PAK5: variants seen among roughly 807,000 people sequenced by gnomAD.
PAK5 encodes the protein p21 (RAC1) activated kinase 5, also known as serine/threonine-protein kinase PAK 5.
PAK5 carries 16 observed loss-of-function variants against 65.9 expected under a neutral mutation model. That is an observed-to-expected ratio of 0.24 (90% CI 0.16 to 0.37). The LOEUF is 0.37. Among genes scored for constraint, PAK5 ranks in the 10% least tolerant of loss-of-function variants. The pLI is 1.00. For missense variants in PAK5, 785 were observed against 903.9 expected, an observed-to-expected ratio of 0.87 and a Z score of 1.69; for synonymous variants, 371 against 354.9, an observed-to-expected ratio of 1.05 and a Z score of -0.51.
intron 1 of PAK5, among the ~76,000 whole-genome samples, chr20:9,730,645 A>T (rs1329980203): frequency 6.6e-6 from 1 of 152,212 alleles, no homozygotes; most frequent in Non-Finnish European, 1.5e-5. Flanking sequence ...AGCTATGATG[A>T]TATCGGTGTG....
intron 3 of PAK5, among the ~76,000 whole-genome samples, chr20:9,587,546 G>T (rs891897244): frequency 2.0e-5 from 3 of 152,128 alleles, no homozygotes; most frequent in Non-Finnish European, 2.9e-5. Context: ...GTAAAATTTT[G>T]ATAGTGGCTG....
intron 1 of PAK5, among the ~76,000 whole-genome samples, chr20:9,776,004 A>G (rs2048883464): frequency 6.6e-6 from 1 of 152,250 alleles, no homozygotes; most frequent in African/African-American, 2.4e-5. Context: ...ATCATGTAGT[A>G]AAGAAATAGT....
chr20:9,760,391 C>T (rs2048684782), intron 1 of PAK5, among the ~76,000 whole-genome samples: 2 of 152,050 alleles, frequency 1.3e-5, no homozygotes, highest in Non-Finnish European at 2.9e-5. Flanking sequence ...CAAAAAATGG[C>T]TCTTGTTTTC....
In PAK5 at chr20:9,799,774, CA is replaced by C. The variant is rs201309466; in HGVS notation, c.-162+38987del. Among the ~76,000 whole-genome samples the C allele has an allele frequency of 3.4e-3, 499 of 148,872 alleles. 6 individuals are homozygous for C. Among genetic ancestry groups the C allele is most frequent in the African/African-American group, 0.012 (483 of 40,678 alleles). On this transcript the variant is annotated intron_variant, in intron 1 of 9. Transcript: ENST00000353224. ...GACACCCATAAAGAAATATCTGTTA[CA>C]AAAAAAAATGTTTACATTAGCTGAG...
chr20:9,773,635 G>A (rs2048857315), intron 1 of PAK5, among the ~76,000 whole-genome samples: 1 of 152,202 alleles, frequency 6.6e-6, no homozygotes, highest in Admixed American at 6.5e-5. Context: ...AAAAGCACAG[G>A]ACAAGTGGGG....
At chr20:9,763,414 T>C (rs1037030745) in intron 1 of PAK5, among the ~76,000 whole-genome samples, 13 of 152,130 alleles carry the variant, frequency 8.5e-5, no homozygotes, top group Non-Finnish European at 2.9e-5. Flanking sequence ...ACACATTAAA[T>C]ATGTATAGCT....
At chr20:9,583,854 T>C (rs1033624046) in intron 3 of PAK5, among the ~76,000 whole-genome samples, 8 of 152,194 alleles carry the variant, frequency 5.3e-5, no homozygotes, top group African/African-American at 1.9e-4. Context: ...TTCCAGAATA[T>C]CATATGGATG....
rs1353776123 is a variant in PAK5 at position 9,652,959 on chromosome 20, T to C, written c.-11-8620A>G. Among the ~76,000 whole-genome samples, 4 of 152,188 alleles carry C rather than the reference T, an allele frequency of 2.6e-5. No individual in the cohort carries two copies. In the East Asian group the frequency reaches 7.7e-4, roughly 29 times the overall value. On this transcript the variant is annotated intron_variant, in intron 2 of 9. Transcript: ENST00000353224. ...GATTCTGCCCTGATTCTGAAATCTG[T>C]GCCCACAGTTGGATTTAGCATATAC... is the stretch of plus-strand genomic sequence containing the variant.
intron 2 of PAK5, among the ~76,000 whole-genome samples, chr20:9,666,161 T>A (rs1415238269): frequency 1.3e-5 from 2 of 151,788 alleles, no homozygotes; most frequent in African/African-American, 4.8e-5. Context: ...ATAACAGAAA[T>A]GAGAAAGAAT....
intron 1 of PAK5, among the ~76,000 whole-genome samples, chr20:9,817,645 A>G (rs1032218736): frequency 1.3e-5 from 2 of 152,198 alleles, no homozygotes; most frequent in African/African-American, 4.8e-5. Flanking sequence ...CAGCAGCCCA[A>G]ACAAGGTACC....
chr20:9,831,925 A>G (rs969635253), intron 1 of PAK5, among the ~76,000 whole-genome samples: 9 of 152,278 alleles, frequency 5.9e-5, no homozygotes, highest in Non-Finnish European at 1.2e-4. Flanking sequence ...TACCTGCATG[A>G]TGTTTTCATT....
rs57705525 is a variant in PAK5, at chr20:9,802,910, GTATATATA to G, written c.-162+35844_-162+35851del. 9.8e-3 allele frequency among the ~76,000 whole-genome samples: 456 copies of G among 46,390 alleles called. 16 individuals carry two copies. Among genetic ancestry groups the G allele is most frequent in the Non-Finnish European group, 0.014 (350 of 25,830 alleles). 30.4% of individuals were successfully genotyped at this position (46,390 alleles called of 152,430 possible). On this transcript the variant is annotated intron_variant, in intron 1 of 9. Coordinates refer to ENST00000353224, the MANE Select transcript of PAK5 (RefSeq NM_177990.4). ...CTTCTGTACTATTGTATATGTATGT[GTATATATA>G]TATATATATATATATGAATTACTAA...
chr20:9,751,811 A>AC (rs1182529962), intron 1 of PAK5, among the ~76,000 whole-genome samples: 1 of 152,124 alleles, frequency 6.6e-6, no homozygotes, highest in East Asian at 1.9e-4. Context: ...GAAATAAAAA[A>AC]CCCATTTTAA....
intron 3 of PAK5, among the ~76,000 whole-genome samples, chr20:9,581,285 G>C (rs1385825047): frequency 1.3e-5 from 2 of 152,080 alleles, no homozygotes; most frequent in African/African-American, 4.8e-5. Flanking sequence ...ACCACCTAAT[G>C]ATGAGCTGAT....
chr20:9,601,453 A>G (rs1269672757), intron 3 of PAK5, among the ~76,000 whole-genome samples: 1 of 152,192 alleles, frequency 6.6e-6, no homozygotes, highest in African/African-American at 2.4e-5. Context: ...GATCGTCCCA[A>G]TAGCCCTAGG....
intron 2 of PAK5, among the ~76,000 whole-genome samples, chr20:9,675,471 A>T (rs1429402180): frequency 6.6e-6 from 1 of 152,100 alleles, no homozygotes; most frequent in Admixed American, 6.5e-5. Context: ...TGAATGGATA[A>T]AACTTAACAG....
intron 3 of PAK5, among the ~76,000 whole-genome samples, chr20:9,584,487 AT>A (rs34874098): frequency 6.6e-6 from 1 of 152,006 alleles, no homozygotes; most frequent in Non-Finnish European, 1.5e-5. Context: ...TAGTTTTTGT[AT>A]TTTTAGTAGA....
intron 3 of PAK5, among the ~76,000 whole-genome samples, chr20:9,641,796 G>C (rs1021258422): frequency 6.6e-6 from 1 of 152,130 alleles, no homozygotes; most frequent in Non-Finnish European, 1.5e-5. Context: ...GGCACTGCTG[G>C]GGGACTCAGT....
chr20:9,760,467 G>T (rs1259836835), intron 1 of PAK5, among the ~76,000 whole-genome samples: 1 of 151,694 alleles, frequency 6.6e-6, no homozygotes, highest in Non-Finnish European at 1.5e-5. Flanking sequence ...CTCATAAAAG[G>T]TGTGAAGTGT....
Sources: allele counts gnomAD v4.1 joint callset (sites outside exome capture counted in the v4.1 genomes callset), GRCh38; gene constraint gnomAD v4.1.1; transcripts MANE v1.5; gene names NCBI Gene and HGNC (gene_info 2026-07-23, HGNC 2026-07-21).